The following FAM20A variants were observed in gnomAD, a reference collection of about 807,000 sequenced individuals.
FAM20A encodes FAM20A golgi associated secretory pathway pseudokinase, also known as pseudokinase FAM20A.
Under a neutral mutation model 52.0 loss-of-function variants are expected in FAM20A, and 42 were observed. The observed-to-expected ratio is 0.81, with a 90% CI of 0.63 to 1.04. The LOEUF is 1.04. Ranked by LOEUF, FAM20A falls within the 50% of genes least tolerant of loss-of-function variation. The pLI is 0.00. For synonymous variants in FAM20A, 304 were observed against 298.9 expected (o/e 1.02, Z -0.18); for missense variants, 742 against 712.7 (o/e 1.04, Z -0.47).
chr17:68,560,381 C>T (rs976134729), intron 1 of FAM20A, among the ~76,000 whole-genome samples: 2 of 151,478 alleles, frequency 1.3e-5, no homozygotes, highest in Non-Finnish European at 2.9e-5. Context: ...AATGCTATCT[C>T]ATCTCTCCCA....
intron 1 of FAM20A, among the ~76,000 whole-genome samples, chr17:68,568,291 A>T (rs1443804564): frequency 2.6e-5 from 4 of 151,726 alleles, no homozygotes; most frequent in African/African-American, 7.3e-5. Flanking sequence ...AACACGGTGA[A>T]ACCCCGTCTC....
chr17:68,543,035 T>G (rs1306520529), intron 5 of FAM20A, among the ~76,000 whole-genome samples: 1 of 152,124 alleles, frequency 6.6e-6, no homozygotes, highest in Non-Finnish European at 1.5e-5. Flanking sequence ...CCTTATTCCG[T>G]CAAGCCTCCT....
rs146291819 is a variant in FAM20A, at chr17:68,545,722, T to C, written c.720-2001A>G. Among the ~76,000 whole-genome samples the C allele has an allele frequency of 1.2e-3, 183 of 152,358 alleles. 4 individuals are homozygous for C. In the East Asian group the frequency reaches 0.033, roughly 27 times the overall value. ...CCCAAAGTAGAACTTCTGTCAAAAT[T>C]GAAGTCAGTCCTCTCAAACCCTGCT... is the stretch of plus-strand genomic sequence containing the variant. On this transcript the variant is annotated intron_variant, in intron 4 of 10. Transcript: ENST00000592554.
In FAM20A at chr17:68,552,666, CTTTTTTTTTTT is replaced by C. The variant is rs576230517; in HGVS notation, c.641-726_641-716del. ...TGGAGCCCTGTAAACCTTTATTTTC[CTTTTTTTTTTT>C]TTTTTTTTTTTTTTTGAGACGGAGT... On this transcript the variant is annotated intron_variant, in intron 3 of 10. Coordinates refer to ENST00000592554, the MANE Select transcript of FAM20A (RefSeq NM_017565.4). Among the ~76,000 whole-genome samples, 6 of 66,844 alleles carry C rather than the reference CTTTTTTTTTTT, an allele frequency of 9.0e-5. 1 individual carries two copies. Among genetic ancestry groups the C allele is most frequent in the Non-Finnish European group, 1.8e-4 (6 of 32,692 alleles). 43.9% of individuals were successfully genotyped at this position (66,844 alleles called of 152,430 possible).
intron 1 of FAM20A, among the ~76,000 whole-genome samples, chr17:68,598,612 C>T (rs923159252): frequency 1.2e-4 from 19 of 152,068 alleles, no homozygotes; most frequent in African/African-American, 4.1e-4. Flanking sequence ...TGTGTTTTTG[C>T]GAGTTTTTTT....
chr17:68,542,580 C>T (rs1169943976), intron 6 of FAM20A, 114 bp downstream of exon 6: 1 of 824,178 alleles, frequency 1.2e-6, no homozygotes, highest in Non-Finnish European at 2.1e-6. Flanking sequence ...ATACGCCCAT[C>T]CCAGTAATGG....
At chr17:68,581,350 T>TTTTCTTTTTC (rs2087942914) in intron 1 of FAM20A, among the ~76,000 whole-genome samples, 2 of 92,218 alleles carry the variant, frequency 2.2e-5, no homozygotes, top group East Asian at 3.9e-4. Context: ...GAAATGCAGT[T>TTTTCTTTTTC]TTTCTTTCTT....
chr17:68,581,600 G>C (rs1345740880), intron 1 of FAM20A, among the ~76,000 whole-genome samples: 1 of 106,454 alleles, frequency 9.4e-6, no homozygotes, highest in Non-Finnish European at 1.7e-5. Flanking sequence ...TTTTTTGACA[G>C]AGTCTCACTC....
In FAM20A at chr17:68,537,760, A is replaced by T. The variant is rs781268933; in HGVS notation, c.1362-19T>A. 6.2e-7 allele frequency: 1 copy of T among 1,603,042 alleles called. No individual in the cohort carries two copies. The highest frequency in any genetic ancestry group is 8.5e-7 in the Non-Finnish European group (1 of 1,174,158). On this transcript the variant is annotated intron_variant, in intron 10 of 10. Transcript: ENST00000592554. This position sits in a 1 kb window ranked among gnomAD's most constrained non-coding sequence, Gnocchi z 4.2. ...TTTTATCCTGAAAAGACAAAGTTACAGGAACCAAATAAGCAAATGTAAAGA... is the reference window on the plus strand; with the variant it reads ...TTTTATCCTGAAAAGACAAAGTTACTGGAACCAAATAAGCAAATGTAAAGA...
rs369779547 is a variant in FAM20A, at chr17:68,590,502, TC to T, written c.404+9760del. Among the ~76,000 whole-genome samples the T allele has an allele frequency of 8.5e-5, 13 of 152,242 alleles. No homozygotes were observed. The East Asian group carries it at 2.3e-3, about 27-fold the overall frequency. On this transcript the variant is annotated intron_variant, in intron 1 of 10. Coordinates refer to ENST00000592554, the MANE Select transcript of FAM20A (RefSeq NM_017565.4). The stretch of plus-strand genomic sequence containing the variant: ...GACATGAACCCGTGAAGGAGCTGGG[TC>T]CCCATCAGTTTCTTTTTTATGCTCT...
At chr17:68,573,956 G>A (rs2087652301) in intron 1 of FAM20A, among the ~76,000 whole-genome samples, 1 of 152,068 alleles carries the variant, frequency 6.6e-6, no homozygotes. Flanking sequence ...AGGATTACAG[G>A]TGTGAGCCAC....
In FAM20A at chr17:68,536,081, G is replaced by C. The variant is rs1216557178; in HGVS notation, c.*1396C>G. The C allele has an allele frequency of 2.2e-6, 1 of 454,006 alleles. No homozygotes were observed. The highest frequency in any genetic ancestry group is 4.4e-6 in the Non-Finnish European group (1 of 226,800). The allele number at this position is 454,006 out of a possible 1,614,324, so 28.1% of individuals were successfully genotyped here. A position where few individuals can be genotyped will look rare whatever the true frequency, so the allele number is the denominator to read the frequency against. On this transcript the variant is annotated 3_prime_UTR_variant, in exon 11 of 11. Coordinates refer to ENST00000592554, the MANE Select transcript of FAM20A (RefSeq NM_017565.4). ...CAGTGAATGGTAGTGATTTTAGAGA[G>C]ACACAAAGTCCAGGGGCAGCATACC...
chr17:68,580,723 G>C (rs1352040565), intron 1 of FAM20A, among the ~76,000 whole-genome samples: 1 of 152,250 alleles, frequency 6.6e-6, no homozygotes, highest in South Asian at 2.1e-4. Flanking sequence ...TGGGCCTACA[G>C]TGTGAATGAG....
Position 68,537,903 on chromosome 17 carries a change from T to C in FAM20A, c.1362-162A>G, listed in dbSNP as rs2143443634. ...GGAAACCAGGTAAAAAGGGAACAAA[T>C]GAAAGGCAAAATCCAGTATCCTGCA... On this transcript the variant is annotated intron_variant, in intron 10 of 10. Transcript: ENST00000592554. The surrounding 1 kb of genome is among the most constrained non-coding windows in gnomAD (Gnocchi z 4.2). 6.6e-6 allele frequency among the ~76,000 whole-genome samples: 1 copy of C among 152,248 alleles called. No individual in the cohort carries two copies. Among genetic ancestry groups the C allele is most frequent in the East Asian group, 1.9e-4 (1 of 5,178 alleles).
At chr17:68,556,713 T>G (rs1442274685) in intron 1 of FAM20A, among the ~76,000 whole-genome samples, 2 of 152,072 alleles carry the variant, frequency 1.3e-5, no homozygotes, top group Non-Finnish European at 2.9e-5. Context: ...CACTGTTGAA[T>G]GAGAAGACGG....
chr17:68,558,510 A>T (rs2087118798), intron 1 of FAM20A: 1 of 215,758 alleles, frequency 4.6e-6, no homozygotes, highest in Non-Finnish European at 9.8e-6. Context: ...TGAGATCTGG[A>T]TGTTTAAAGG....
chr17:68,552,745 A>C lies in FAM20A; in HGVS notation c.641-794T>G, dbSNP rs1278301380. Among the ~76,000 whole-genome samples the C allele has an allele frequency of 2.2e-5, 2 of 92,546 alleles. 1 individual carries two copies. Among genetic ancestry groups the C allele is most frequent in the Non-Finnish European group, 4.4e-5 (2 of 45,060 alleles). 60.7% of individuals were successfully genotyped at this position (92,546 alleles called of 152,430 possible). ...GCCGGACTGCGGACTGCAGTGGCGC[A>C]ATCTCGGCTCACTGCAAGCTCCGCT... On this transcript the variant is annotated intron_variant, in intron 3 of 10. Transcript: ENST00000592554.
At chr17:68,570,088 A>G (rs1382909222) in intron 1 of FAM20A, among the ~76,000 whole-genome samples, 1 of 152,054 alleles carries the variant, frequency 6.6e-6, no homozygotes, top group African/African-American at 2.4e-5. Context: ...ATATATATAT[A>G]TTTCTGAGAC....
chr17:68,587,140 C>T (rs1303603899), intron 1 of FAM20A, among the ~76,000 whole-genome samples: 2 of 152,178 alleles, frequency 1.3e-5, no homozygotes, highest in East Asian at 1.9e-4. Context: ...TCAGGTGATA[C>T]ACCTGCTTTG....
Sources: allele counts gnomAD v4.1 joint callset (sites outside exome capture counted in the v4.1 genomes callset), GRCh38; gene constraint gnomAD v4.1.1; non-coding constraint Gnocchi (gnomAD v3.1); transcripts MANE v1.5; gene names NCBI Gene and HGNC (gene_info 2026-07-23, HGNC 2026-07-21).